The following ATP7A variants were observed in gnomAD, a reference collection of about 807,000 sequenced individuals.
ATP7A encodes the protein ATPase copper transporting alpha.
In ATP7A, 7 loss-of-function variants were observed where a neutral mutation model predicts 83.5. The observed-to-expected ratio is 0.08, with a 90% CI of 0.05 to 0.16. The LOEUF is 0.16. Ranked by LOEUF, ATP7A falls within the 10% of genes least tolerant of loss-of-function variation. ATP7A has a pLI of 1.00. For missense variants in ATP7A, 940 were observed against 1,120.8 expected, an observed-to-expected ratio of 0.84 and a Z score of 2.30; for synonymous variants, 354 against 395.2, an observed-to-expected ratio of 0.90 and a Z score of 1.24.
intron 1 of ATP7A, among the ~76,000 whole-genome samples, chrX:77,932,633 C>T (rs782792710): frequency 1.8e-5 from 2 of 112,801 alleles, no homozygotes; most frequent in African/African-American, 6.4e-5. Context: ...CTGAGTGAAC[C>T]AGACTCCGTC....
intron 4 of ATP7A, among the ~76,000 whole-genome samples, chrX:77,995,238 A>AT (rs1239814583): frequency 1.8e-5 from 2 of 111,651 alleles, no homozygotes; most frequent in African/African-American, 6.5e-5. Context: ...CCTTTGTATC[A>AT]TACTAGTCCT....
intron 2 of ATP7A, among the ~76,000 whole-genome samples, chrX:77,979,084 C>T (rs2041512262): frequency 9.0e-6 from 1 of 111,116 alleles, no homozygotes; most frequent in South Asian, 3.8e-4. Context: ...CGCCCCCCTT[C>T]ACCTTCCAAA....
At chrX:77,992,067 TC>T (rs1413406546) in intron 4 of ATP7A, among the ~76,000 whole-genome samples, 1 of 108,404 alleles carries the variant, frequency 9.2e-6, no homozygotes, top group Non-Finnish European at 1.9e-5. Context: ...AAAATTAGAT[TC>T]TTTTTTTTTT....
At chrX:77,955,429 A>G (rs1421378683) in intron 1 of ATP7A, among the ~76,000 whole-genome samples, 2 of 111,755 alleles carry the variant, frequency 1.8e-5, no homozygotes, top group East Asian at 5.6e-4. Flanking sequence ...TTTTCTTAGA[A>G]CATTGTTTTC....
chrX:77,919,400 T>C (rs782430849), intron 1 of ATP7A, among the ~76,000 whole-genome samples: 2 of 112,595 alleles, frequency 1.8e-5, no homozygotes, highest in South Asian at 7.3e-4. Context: ...TCCTGCCCTC[T>C]CTATCTCCAT....
chrX:77,931,757 G>C, intron 1 of ATP7A, among the ~76,000 whole-genome samples: 1 of 104,832 alleles, frequency 9.5e-6, no homozygotes, highest in African/African-American at 3.5e-5. Flanking sequence ...GGGGCGGCTG[G>C]CCGGGTGGGG....
intron 5 of ATP7A, among the ~76,000 whole-genome samples, chrX:77,999,992 T>C (rs782382384): frequency 1.3e-4 from 14 of 109,985 alleles, no homozygotes; most frequent in Non-Finnish European, 2.7e-4. Flanking sequence ...TAGCCCTAGG[T>C]GTCTTAATGA....
intron 16 of ATP7A, among the ~76,000 whole-genome samples, chrX:78,033,154 G>C (rs2077992785): frequency 8.9e-6 from 1 of 111,814 alleles, no homozygotes; most frequent in African/African-American, 3.2e-5. Context: ...ACCCAGGCTG[G>C]AGTGCAATAG....
intron 12 of ATP7A, among the ~76,000 whole-genome samples, chrX:78,018,365 G>T (rs2077882751): frequency 9.1e-6 from 1 of 109,942 alleles, no homozygotes; most frequent in African/African-American, 3.3e-5. Context: ...TTAGCCAGGT[G>T]TGGTGGAGCA....
intron 1 of ATP7A, among the ~76,000 whole-genome samples, chrX:77,911,477 C>T (rs1428977364): frequency 9.0e-6 from 1 of 111,144 alleles, no homozygotes; most frequent in Non-Finnish European, 1.9e-5. Context: ...TTATTTTAAT[C>T]ACAGACTCTT....
At chrX:78,034,818 A>C (rs2149107711) in intron 17 of ATP7A, among the ~76,000 whole-genome samples, 1 of 102,448 alleles carries the variant, frequency 9.8e-6, no homozygotes, top group East Asian at 3.1e-4. Context: ...ATCTCAGCTC[A>C]CTGCAACCTC....
intron 1 of ATP7A, among the ~76,000 whole-genome samples, chrX:77,927,984 G>C (rs2077251493): frequency 9.0e-6 from 1 of 110,744 alleles, no homozygotes; most frequent in Non-Finnish European, 1.9e-5. Flanking sequence ...TATATTTTAA[G>C]GCTTTTTTTG....
chrX:77,998,711 T>C (rs1336400244), intron 5 of ATP7A, 27 bp downstream of exon 5: 1 of 1,189,570 alleles, frequency 8.4e-7, no homozygotes, highest in African/African-American at 1.8e-5. Context: ...GCTTGTTATT[T>C]TATGTGCTAG....
rs112508476 is a variant in ATP7A at position 77,998,768 on chromosome X, G to GT, written c.1543+86dup. ...GTTCTCTTACATGTTTTGTAACTAT[G>GT]TTATGATTCTTGGTAAGGCCTCATA... On this transcript the variant is annotated intron_variant, in intron 5 of 22. Transcript: ENST00000341514. 0.26 allele frequency: 260,892 copies of GT among 1,012,740 alleles called. 23,824 individuals carry two copies. The highest frequency in any genetic ancestry group is 0.38 in the South Asian group (20,026 of 52,117). The allele number at this position is 1,012,740 out of a possible 1,213,427, so 83.5% of individuals were successfully genotyped here.
intron 17 of ATP7A, among the ~76,000 whole-genome samples, chrX:78,035,843 C>T (rs1161573732): frequency 8.9e-6 from 1 of 112,114 alleles, no homozygotes; most frequent in Non-Finnish European, 1.9e-5. Flanking sequence ...TTCAGTGACA[C>T]CCTCATTGAC....
At chrX:78,012,350 G>A (rs1267422826) in intron 9 of ATP7A, among the ~76,000 whole-genome samples, 1 of 111,230 alleles carries the variant, frequency 9.0e-6, no homozygotes, top group Non-Finnish European at 1.9e-5. Context: ...AACAGATTTC[G>A]TAGCTTGTGA....
Position 77,989,329 on chromosome X carries a change from C to A in ATP7A, c.707C>A (p.Ala236Glu). ...CAGATTGAAGCTATGGGCTTTCCAG[C>A]ATTTGTCAAAAAGCAGCCCAAGTAC... ...KKQIEAMGFPAFVKKQPKYLK... is the reference protein window; with the variant it reads ...KKQIEAMGFPEFVKKQPKYLK... The change falls in exon 4 of 23, where the codon GCA becomes GAA. Residue 236 changes from alanine (A) to glutamate (E), a missense_variant. By Grantham distance (107) the Ala-to-Glu change is moderately radical. Around this residue, in one of 3 missense-constraint regions of ATP7A, gnomAD observed 350 missense variants for 432.8 expected, o/e 0.81. Coordinates refer to ENST00000341514, the MANE Select transcript of ATP7A (RefSeq NM_000052.7). 8.3e-7 allele frequency: 1 copy of A among 1,211,490 alleles called. No individual in the cohort carries two copies. Among genetic ancestry groups the A allele is most frequent in the Non-Finnish European group, 1.1e-6 (1 of 895,396 alleles).
chrX:77,999,123 A>G (rs1301993037), intron 5 of ATP7A, among the ~76,000 whole-genome samples: 1 of 108,849 alleles, frequency 9.2e-6, no homozygotes, highest in African/African-American at 3.4e-5. Flanking sequence ...CAGCCTCCCA[A>G]GTAGATGGGA....
intron 1 of ATP7A, among the ~76,000 whole-genome samples, chrX:77,938,864 AC>A (rs1240604349): frequency 1.8e-5 from 2 of 112,038 alleles, no homozygotes; most frequent in Non-Finnish European, 3.8e-5. Flanking sequence ...CAACAAAAAA[AC>A]CTCATTTTAA....
Sources: allele counts gnomAD v4.1 joint callset (sites outside exome capture counted in the v4.1 genomes callset), GRCh38; gene constraint gnomAD v4.1.1; regional missense constraint gnomAD v4.1.1; transcripts MANE v1.5; gene names NCBI Gene and HGNC (gene_info 2026-07-23, HGNC 2026-07-21).